EPB41L4A: variants seen among roughly 807,000 people sequenced by gnomAD.
The protein encoded by EPB41L4A is band 4.1-like protein 4A.
EPB41L4A carries 100 observed loss-of-function variants against 108.6 expected under a neutral mutation model. That is an observed-to-expected ratio of 0.92 (90% CI 0.78 to 1.09). The LOEUF (loss-of-function observed/expected upper bound fraction) is 1.09, where lower values mean the gene tolerates loss of function less well. EPB41L4A is among the 50% of genes least tolerant of loss of function. The pLI, the probability that EPB41L4A is intolerant of heterozygous loss-of-function variation, is 0.00. For missense variants in EPB41L4A, 1,030 were observed against 842.7 expected (o/e 1.22, Z -2.75); for synonymous variants, 319 against 289.0 (o/e 1.10, Z -1.05).
Position 112,237,309 on chromosome 5 carries a change from A to G in EPB41L4A, c.965+2351T>C, listed in dbSNP as rs528161829. On this transcript the variant is annotated intron_variant, in intron 11 of 22. Transcript: ENST00000261486. ...CTCACAAATTTAATTTTTAATCTTC[A>G]TTTTCCCATATCACTAAAAAAAGTC... 2.6e-5 allele frequency among the ~76,000 whole-genome samples: 4 copies of G among 152,198 alleles called. No individual in the cohort carries two copies. The East Asian group carries it at 7.7e-4, about 29-fold the overall frequency.
chr5:112,256,197 A>G lies in EPB41L4A; in HGVS notation c.795+3032T>C, dbSNP rs556954872. On this transcript the variant is annotated intron_variant, in intron 9 of 22. Coordinates refer to ENST00000261486, the MANE Select transcript of EPB41L4A (RefSeq NM_022140.5). The stretch of plus-strand genomic sequence containing the variant: ...ATTCAGTGAAAATCAACCATCTGAT[A>G]ATAAACTTTAAAAAATTTCAGCACC... Among the ~76,000 whole-genome samples the G allele has an allele frequency of 2.6e-5, 4 of 152,336 alleles. No homozygotes were observed. The South Asian group carries it at 8.3e-4, about 32-fold the overall frequency.
intron 2 of EPB41L4A, among the ~76,000 whole-genome samples, chr5:112,283,863 C>G (rs1753113489): frequency 6.6e-6 from 1 of 152,096 alleles, no homozygotes; most frequent in African/African-American, 2.4e-5. Flanking sequence ...ATAATAAAAT[C>G]ATGTACAAGG....
intron 12 of EPB41L4A, among the ~76,000 whole-genome samples, chr5:112,227,349 A>G (rs1482318935): frequency 6.6e-6 from 1 of 152,128 alleles, no homozygotes; most frequent in African/African-American, 2.4e-5. Flanking sequence ...TACCTCAGAC[A>G]TTGACAGATG....
chr5:112,387,546 G>A (rs1030415546), intron 1 of EPB41L4A, among the ~76,000 whole-genome samples: 12 of 152,122 alleles, frequency 7.9e-5, no homozygotes, highest in African/African-American at 1.7e-4. Context: ...GGAGAATGGC[G>A]TCAACCTGGG....
intron 10 of EPB41L4A, among the ~76,000 whole-genome samples, chr5:112,240,306 T>G (rs912497258): frequency 6.6e-6 from 1 of 152,200 alleles, no homozygotes; most frequent in Non-Finnish European, 1.5e-5. Flanking sequence ...CTTCATCAAC[T>G]TTGGTCTTTC....
intron 1 of EPB41L4A, among the ~76,000 whole-genome samples, chr5:112,387,480 T>C (rs1428914725): frequency 6.6e-6 from 1 of 151,892 alleles, no homozygotes; most frequent in Non-Finnish European, 1.5e-5. Flanking sequence ...CAAAAAAAAA[T>C]TAGCCAGGCA....
At chr5:112,296,563 T>C (rs1201047654) in intron 2 of EPB41L4A, among the ~76,000 whole-genome samples, 1 of 152,212 alleles carries the variant, frequency 6.6e-6, no homozygotes, top group Non-Finnish European at 1.5e-5. Flanking sequence ...CCCACTCACC[T>C]CATTAAAAGA....
chr5:112,283,244 G>T (rs150669939), intron 2 of EPB41L4A, among the ~76,000 whole-genome samples: 2 of 152,056 alleles, frequency 1.3e-5, no homozygotes, highest in African/African-American at 4.8e-5. Context: ...CCCTAGAGCC[G>T]GCCACACACA....
At chr5:112,408,618 G>A (rs1044237778) in intron 1 of EPB41L4A, among the ~76,000 whole-genome samples, 4 of 127,284 alleles carry the variant, frequency 3.1e-5, no homozygotes, top group Admixed American at 2.0e-4. Flanking sequence ...CACTTTGGGA[G>A]AATCAGTTGA....
intron 17 of EPB41L4A, among the ~76,000 whole-genome samples, chr5:112,194,160 G>A (rs1561464468): frequency 6.6e-6 from 1 of 152,114 alleles, no homozygotes; most frequent in East Asian, 1.9e-4. Flanking sequence ...ACATAAGCCT[G>A]AAACCGCAGA....
At chr5:112,300,926 C>T (rs979645176) in intron 2 of EPB41L4A, among the ~76,000 whole-genome samples, 2 of 151,962 alleles carry the variant, frequency 1.3e-5, no homozygotes, top group South Asian at 2.1e-4. Context: ...TCTGCTTGTT[C>T]GAGTCTTACT....
chr5:112,388,678 C>T (rs1396927816), intron 1 of EPB41L4A, among the ~76,000 whole-genome samples: 7 of 152,204 alleles, frequency 4.6e-5, no homozygotes, highest in Non-Finnish European at 8.8e-5. Context: ...GGACAGCTAT[C>T]TCAAAGATCT....
rs1762387011 is a variant in EPB41L4A at position 112,204,689 on chromosome 5, T to C, written c.1263-201A>G. 1.2e-5 allele frequency: 5 copies of C among 424,924 alleles called. No individual in the cohort carries two copies. In the East Asian group the frequency reaches 1.7e-4, roughly 15 times the overall value. 26.3% of individuals were successfully genotyped at this position (424,924 alleles called of 1,614,324 possible). ...AATCAAATCATAAAGGTCATTATTT[T>C]GCAGGAATGCCATTTGTCTCACTAG... On this transcript the variant is annotated intron_variant, in intron 14 of 22. Transcript: ENST00000261486.
chr5:112,212,626 T>A (rs1394607544), intron 12 of EPB41L4A, among the ~76,000 whole-genome samples: 1 of 152,164 alleles, frequency 6.6e-6, no homozygotes, highest in African/African-American at 2.4e-5. Flanking sequence ...TTGTTCTTAA[T>A]AACCTTTATT....
chr5:112,175,592 A>G (rs1760819479), intron 18 of EPB41L4A: 1 of 152,178 alleles, frequency 6.6e-6, no homozygotes, highest in Non-Finnish European at 1.5e-5. Context: ...TAGGAATTTA[A>G]GAATATGGGA....
At chr5:112,265,210 A>G (rs966689642) in intron 5 of EPB41L4A, among the ~76,000 whole-genome samples, 194 bp from the exon 6 acceptor site, 1 of 152,238 alleles carries the variant, frequency 6.6e-6, no homozygotes, top group Admixed American at 6.5e-5. Context: ...TCTGGACTTA[A>G]AAACAGAAGT....
intron 1 of EPB41L4A, among the ~76,000 whole-genome samples, chr5:112,370,740 C>A (rs1236333983): frequency 6.6e-6 from 1 of 152,118 alleles, no homozygotes; most frequent in Admixed American, 6.5e-5. Context: ...CACGGCAAAA[C>A]CCTGTCTCTA....
intron 9 of EPB41L4A, among the ~76,000 whole-genome samples, chr5:112,258,706 A>C (rs965260650): frequency 6.6e-6 from 1 of 152,182 alleles, no homozygotes; most frequent in Admixed American, 6.5e-5. Context: ...AAATACTCCC[A>C]GAGGACATTG....
chr5:112,375,323 G>A lies in EPB41L4A; in HGVS notation c.99+43618C>T, dbSNP rs796207456. On this transcript the variant is annotated intron_variant, in intron 1 of 22. Transcript: ENST00000261486. ...AACAAGGTCAGTCTCTCTCTCTCTCGCACACACACACATACACACACACAC... is the reference window on the plus strand; with the variant it reads ...AACAAGGTCAGTCTCTCTCTCTCTCACACACACACACATACACACACACAC... Among the ~76,000 whole-genome samples, 10 of 142,550 alleles carry A rather than the reference G, an allele frequency of 7.0e-5. No individual in the cohort carries two copies. In the South Asian group the frequency reaches 1.9e-3, roughly 27 times the overall value. The allele number at this position is 142,550 out of a possible 152,430, so 93.5% of individuals were successfully genotyped here. A position where few individuals can be genotyped will look rare whatever the true frequency, so the allele number is the denominator to read the frequency against.
Sources: gnomAD v4.1 joint callset for allele counts (sites outside exome capture counted in the v4.1 genomes callset) on GRCh38, gnomAD v4.1.1 for gene constraint, MANE v1.5 for transcripts, NCBI Gene and HGNC (gene_info 2026-07-23, HGNC 2026-07-21) for gene names.